MEF2C: variants seen among roughly 807,000 people sequenced by gnomAD.
MEF2C encodes myocyte-specific enhancer factor 2C.
MEF2C carries 6 observed loss-of-function variants against 50.5 expected under a neutral mutation model. That is an observed-to-expected ratio of 0.12 (90% confidence interval 0.07 to 0.23). The LOEUF is 0.23. MEF2C is among the 10% of genes least tolerant of loss of function. MEF2C has a pLI of 1.00. For synonymous variants in MEF2C, 183 were observed against 228.0 expected (o/e 0.80, Z 1.78); for missense variants, 276 against 605.0 (o/e 0.46, Z 5.70).
chr5:88,754,890 A>G (rs1031962106), intron 4 of MEF2C, among the ~76,000 whole-genome samples: 9 of 152,180 alleles, frequency 5.9e-5, no homozygotes, highest in Non-Finnish European at 1.3e-4. Flanking sequence ...AACCTCCGTT[A>G]TCTCATCGCC....
At chr5:88,774,755 G>A (rs1454506983) in intron 3 of MEF2C, among the ~76,000 whole-genome samples, 1 of 152,206 alleles carries the variant, frequency 6.6e-6, no homozygotes, top group Non-Finnish European at 1.5e-5. Context: ...GGTGTCTGAT[G>A]AAAGAAAGTT....
intron 6 of MEF2C, chr5:88,738,722 G>A (rs1294160348): frequency 2.0e-6 from 2 of 985,242 alleles, no homozygotes; most frequent in African/African-American, 3.5e-5. Context: ...GGACAGTCAA[G>A]GTTGTCCTAA....
intron 3 of MEF2C, among the ~76,000 whole-genome samples, chr5:88,798,705 TGGA>T (rs917341440): frequency 2.0e-4 from 30 of 152,162 alleles, no homozygotes; most frequent in African/African-American, 7.2e-4. Flanking sequence ...TGTGATCCTT[TGGA>T]GGAGAAGAGG....
At chr5:88,876,509 CAATT>C (rs1411569709) in intron 1 of MEF2C, among the ~76,000 whole-genome samples, 1 of 151,882 alleles carries the variant, frequency 6.6e-6, no homozygotes, top group Admixed American at 6.6e-5. Flanking sequence ...TCAGGGTCGA[CAATT>C]AATTAGAAGA....
chr5:88,869,478 T>A (rs1828828908), intron 1 of MEF2C, among the ~76,000 whole-genome samples: 1 of 151,394 alleles, frequency 6.6e-6, no homozygotes, highest in African/African-American at 2.4e-5. Context: ...AACTAGCACT[T>A]AAGTACCTTT....
intron 3 of MEF2C, among the ~76,000 whole-genome samples, chr5:88,799,905 CACACACACAGAGAG>C (rs767032340): frequency 0.026 from 2,726 of 104,492 alleles, 94 homozygotes; most frequent in African/African-American, 0.075. Flanking sequence ...CACACACACA[CACACACACAGAGAG>C]AGAGACACAC....
chr5:88,736,898 TTTAA>T, intron 6 of MEF2C: 1 of 985,398 alleles, frequency 1.0e-6, no homozygotes, highest in Non-Finnish European at 1.2e-6. Flanking sequence ...GGCTCTCCTG[TTTAA>T]TTCAAATTTA....
At chr5:88,757,364 A>C (rs986610184) in intron 4 of MEF2C, among the ~76,000 whole-genome samples, 16 of 151,834 alleles carry the variant, frequency 1.1e-4, no homozygotes, top group African/African-American at 3.9e-4. Context: ...TTTGCCACTA[A>C]TGACACCTTT....
At chr5:88,889,029 T>A (rs1379969921) in intron 1 of MEF2C, 1 of 152,212 alleles carries the variant, frequency 6.6e-6, no homozygotes, top group East Asian at 1.9e-4. Context: ...GTGTGTGCTT[T>A]TTCATTTTAA....
intron 6 of MEF2C, chr5:88,741,412 C>A (rs1353009689): frequency 1.0e-6 from 1 of 985,222 alleles, no homozygotes; most frequent in Non-Finnish European, 1.2e-6. Flanking sequence ...TAGTGCCATC[C>A]CTAAAATAAT....
chr5:88,777,569 G>T (rs931939313), intron 3 of MEF2C, among the ~76,000 whole-genome samples: 10 of 152,192 alleles, frequency 6.6e-5, no homozygotes, highest in Non-Finnish European at 1.3e-4. Context: ...AATAAGGATT[G>T]CCTAAACCAT....
chr5:88,735,198 C>T (rs1264706769), intron 6 of MEF2C: 3 of 985,394 alleles, frequency 3.0e-6, no homozygotes, highest in Non-Finnish European at 3.6e-6. Context: ...GCAGCCTCCT[C>T]CTCACTCAGA....
At chr5:88,800,308 T>G (rs1468395622) in intron 3 of MEF2C, among the ~76,000 whole-genome samples, 1 of 152,212 alleles carries the variant, frequency 6.6e-6, no homozygotes, top group Non-Finnish European at 1.5e-5. Flanking sequence ...TGTTGAATTG[T>G]TTAGCCTACA....
intron 6 of MEF2C, chr5:88,739,484 A>G (rs372353182): frequency 1.0e-6 from 1 of 967,306 alleles, no homozygotes; most frequent in East Asian, 1.1e-4. Flanking sequence ...TTAGTTTCCA[A>G]TATCAGGATA....
chr5:88,754,160 C>T (rs1468704181), intron 4 of MEF2C, among the ~76,000 whole-genome samples: 1 of 152,214 alleles, frequency 6.6e-6, no homozygotes, highest in Non-Finnish European at 1.5e-5. Context: ...CCAGCAACAG[C>T]ACAGAGAGCA....
chr5:88,753,116 T>C (rs1050688236), intron 4 of MEF2C, among the ~76,000 whole-genome samples: 1 of 152,206 alleles, frequency 6.6e-6, no homozygotes, highest in Non-Finnish European at 1.5e-5. Context: ...GTTTTTACTA[T>C]TGTTTGCCCT....
rs548398574 is a variant in MEF2C at position 88,727,706 on chromosome 5, G to T, written c.1100+787C>A. On this transcript the variant is annotated intron_variant, in intron 10 of 10. Transcript: ENST00000504921. ...TATCCTCCTGGTATTTTCTTTTGAAGATTAATTGCAATTTTGGACTTATTA... is the reference window on the plus strand; with the variant it reads ...TATCCTCCTGGTATTTTCTTTTGAATATTAATTGCAATTTTGGACTTATTA... 3.3e-5 allele frequency among the ~76,000 whole-genome samples: 5 copies of T among 152,140 alleles called. 1 individual carries two copies. In the South Asian group the frequency reaches 1.0e-3, roughly 32 times the overall value.
intron 1 of MEF2C, among the ~76,000 whole-genome samples, chr5:88,854,927 G>C (rs1822738157): frequency 6.6e-6 from 1 of 152,134 alleles, no homozygotes; most frequent in South Asian, 2.1e-4. Flanking sequence ...GTGCTTCCGA[G>C]AACTGAGATT....
intron 1 of MEF2C, among the ~76,000 whole-genome samples, chr5:88,902,163 G>GT (rs1051948894): frequency 1.3e-5 from 2 of 150,386 alleles, no homozygotes; most frequent in Non-Finnish European, 3.0e-5. Context: ...AAAAATAAAA[G>GT]TAAAATTTTC....
Sources: gnomAD v4.1 joint callset for allele counts (sites outside exome capture counted in the v4.1 genomes callset) on GRCh38, gnomAD v4.1.1 for gene constraint, MANE v1.5 for transcripts, NCBI Gene and HGNC (gene_info 2026-07-23, HGNC 2026-07-21) for gene names.